Variants in AGMO observed in about 807,000 individuals in gnomAD.
The protein encoded by AGMO is glyceryl-ether monooxygenase.
Under a neutral mutation model 60.2 loss-of-function variants are expected in AGMO, and 75 were observed. The observed-to-expected ratio is 1.25, with a 90% confidence interval of 1.03 to 1.51. AGMO has a LOEUF of 1.51. AGMO is among the 40% of genes most tolerant of loss of function. The pLI, the probability that AGMO is intolerant of heterozygous loss-of-function variation, is 0.00. For missense variants in AGMO, 763 were observed against 525.5 expected (o/e 1.45, Z -4.42); for synonymous variants, 261 against 177.1 (o/e 1.47, Z -3.76).
At chr7:15,275,227 G>T (rs1353299598) in intron 12 of AGMO, among the ~76,000 whole-genome samples, 1 of 152,034 alleles carries the variant, frequency 6.6e-6, no homozygotes, top group Non-Finnish European at 1.5e-5. Flanking sequence ...CTGTATCCCA[G>T]ATATTTGGTA....
chr7:15,120,109 T>C, the AGMO span, among the ~76,000 whole-genome samples: 5 of 152,028 alleles, frequency 3.3e-5, no homozygotes, highest in Admixed American at 3.3e-4. Flanking sequence ...ACCCTCTCCC[T>C]ACCAAAATCA....
intron 3 of AGMO, among the ~76,000 whole-genome samples, chr7:15,505,646 A>T (rs1488777327): frequency 6.6e-6 from 1 of 152,042 alleles, no homozygotes; most frequent in African/African-American, 2.4e-5. Flanking sequence ...CAAAGAGAAC[A>T]TAACATGAAC....
intron 2 of AGMO, among the ~76,000 whole-genome samples, chr7:15,546,714 C>T (rs1784791445): frequency 6.6e-6 from 1 of 152,204 alleles, no homozygotes; most frequent in African/African-American, 2.4e-5. Flanking sequence ...TCCAAGGAAT[C>T]TATGAAATGA....
At chr7:15,510,401 C>A (rs938074425) in intron 3 of AGMO, among the ~76,000 whole-genome samples, 6 of 151,804 alleles carry the variant, frequency 4.0e-5, no homozygotes, top group African/African-American at 1.5e-4. Context: ...TAATTTTGAA[C>A]TCCTGGGCTC....
the AGMO span, among the ~76,000 whole-genome samples, chr7:15,136,902 C>T: frequency 6.6e-6 from 1 of 152,146 alleles, no homozygotes; most frequent in Non-Finnish European, 1.5e-5. Context: ...ACAGAGGTTT[C>T]CCTACACTGA....
intron 3 of AGMO, among the ~76,000 whole-genome samples, chr7:15,497,994 T>A (rs1243110777): frequency 6.6e-6 from 1 of 152,002 alleles, no homozygotes; most frequent in Non-Finnish European, 1.5e-5. Context: ...GCAAGAAGAC[T>A]CTTCAAGTTA....
At chr7:15,380,277 A>T (rs1377167443) in intron 10 of AGMO, among the ~76,000 whole-genome samples, 1 of 152,150 alleles carries the variant, frequency 6.6e-6, no homozygotes, top group African/African-American at 2.4e-5. Flanking sequence ...GTGTCAACCC[A>T]AAAGCTTCTT....
chr7:15,336,019 C>A (rs1001993626), intron 12 of AGMO, among the ~76,000 whole-genome samples: 1 of 152,126 alleles, frequency 6.6e-6, no homozygotes, highest in African/African-American at 2.4e-5. Context: ...ACATTGAAGA[C>A]CTGGAGCCCT....
chr7:15,269,723 C>T (rs550497495), intron 12 of AGMO, among the ~76,000 whole-genome samples: 18 of 152,038 alleles, frequency 1.2e-4, no homozygotes, highest in African/African-American at 4.1e-4. Flanking sequence ...TAGTGAACAA[C>T]GAAACCAATA....
chr7:15,366,533 ATAAAT>A (rs1455538395), intron 10 of AGMO, among the ~76,000 whole-genome samples: 1 of 152,064 alleles, frequency 6.6e-6, no homozygotes, highest in African/African-American at 2.4e-5. Flanking sequence ...CCACATATGG[ATAAAT>A]TACTCACATT....
At chr7:15,533,626 T>C (rs1302530932) in intron 3 of AGMO, among the ~76,000 whole-genome samples, 5 of 152,174 alleles carry the variant, frequency 3.3e-5, no homozygotes, top group African/African-American at 7.2e-5. Context: ...AGCAGTATTT[T>C]CACCATGGTG....
At chr7:15,549,331 G>A (rs9691525) in intron 2 of AGMO, among the ~76,000 whole-genome samples, 24,171 of 150,754 alleles carry the variant, frequency 0.16, 2,500 homozygotes, top group African/African-American at 0.31. Context: ...AACTTTAAAT[G>A]TAAATGGACT....
chr7:15,472,153 T>C (rs1209172515), intron 3 of AGMO, among the ~76,000 whole-genome samples: 1 of 151,882 alleles, frequency 6.6e-6, no homozygotes, highest in African/African-American at 2.4e-5. Flanking sequence ...GTAAATCAAA[T>C]GTATAAACTT....
chr7:15,319,351 T>C (rs975618513), intron 12 of AGMO, among the ~76,000 whole-genome samples: 4 of 152,176 alleles, frequency 2.6e-5, no homozygotes, highest in African/African-American at 9.6e-5. Context: ...GTTTATCAAC[T>C]GAAAGAGGCT....
intron 12 of AGMO, among the ~76,000 whole-genome samples, chr7:15,252,195 G>C (rs1001016629): frequency 3.9e-5 from 6 of 152,154 alleles, no homozygotes; most frequent in Non-Finnish European, 8.8e-5. Flanking sequence ...TAAGAAGTTG[G>C]TAAGTATTAT....
intron 12 of AGMO, among the ~76,000 whole-genome samples, chr7:15,202,458 CAAAAAAAAAAAA>C (rs71004370): frequency 0.26 from 11,988 of 45,566 alleles, 858 homozygotes; most frequent in South Asian, 0.49. Context: ...TACAAATGAG[CAAAAAAAAAAAA>C]AAAAAAAAAA....
chr7:15,381,455 G>C (rs118185233), intron 10 of AGMO, among the ~76,000 whole-genome samples: 206 of 152,060 alleles, frequency 1.4e-3, no homozygotes, highest in Admixed American at 2.2e-3. Flanking sequence ...TTAGAGAAAT[G>C]CAAATCAAAA....
At chr7:15,480,926 GAGAAAT>G (rs1782730525) in intron 3 of AGMO, among the ~76,000 whole-genome samples, 1 of 142,664 alleles carries the variant, frequency 7.0e-6, no homozygotes, top group African/African-American at 2.8e-5. Context: ...GGGCATCAGA[GAGAAAT>G]AAAAGCAGCA....
intron 3 of AGMO, among the ~76,000 whole-genome samples, chr7:15,507,627 G>A (rs963036389): frequency 1.3e-5 from 2 of 152,056 alleles, no homozygotes; most frequent in African/African-American, 2.4e-5. Flanking sequence ...TAACTTTACT[G>A]CATCCTTATT....
Sources: allele counts gnomAD v4.1 joint callset (sites outside exome capture counted in the v4.1 genomes callset), GRCh38; gene constraint gnomAD v4.1.1; transcripts MANE v1.5; gene names NCBI Gene and HGNC (gene_info 2026-07-23, HGNC 2026-07-21).